NALF1: variants seen among roughly 807,000 people sequenced by gnomAD.
NALF1 encodes the protein NALCN channel auxiliary factor 1.
A neutral mutation model predicts 48.4 loss-of-function variants in NALF1; 3 were observed. That is an observed-to-expected ratio of 0.06 (90% CI 0.03 to 0.16). The LOEUF is 0.16. NALF1 is among the 10% of genes least tolerant of loss of function. The probability of loss-of-function intolerance (pLI) is 1.00; values close to 1 mark genes in which losing one functional copy is unlikely to be tolerated. For missense variants in NALF1, 526 were observed against 571.5 expected (o/e 0.92, Z 0.81); for synonymous variants, 262 against 245.7 (o/e 1.07, Z -0.62).
intron 2 of NALF1, among the ~76,000 whole-genome samples, chr13:107,182,040 T>C (rs974706723): frequency 1.3e-5 from 2 of 152,146 alleles, no homozygotes; most frequent in Admixed American, 1.3e-4. Flanking sequence ...TCACATTCTT[T>C]ATCTAAGAGT....
chr13:107,438,844 AAAAAAAAGAAT>A (rs1368478039), intron 1 of NALF1, among the ~76,000 whole-genome samples: 1 of 147,832 alleles, frequency 6.8e-6, no homozygotes, highest in South Asian at 2.1e-4. Flanking sequence ...AAAAAAAAAA[AAAAAAAAGAAT>A]AATATAAAGG....
chr13:107,703,655 T>C (rs1029993809), intron 1 of NALF1, among the ~76,000 whole-genome samples: 5 of 152,218 alleles, frequency 3.3e-5, no homozygotes, highest in Admixed American at 1.3e-4. Context: ...ACAGTGAAGT[T>C]ACCTCAAATC....
chr13:107,599,514 C>A (rs756579190), intron 1 of NALF1, among the ~76,000 whole-genome samples: 2 of 152,016 alleles, frequency 1.3e-5, no homozygotes, highest in Non-Finnish European at 2.9e-5. Context: ...AAATTTTGCA[C>A]CCACTCCAGC....
At chr13:107,652,470 T>C (rs1165210825) in intron 1 of NALF1, among the ~76,000 whole-genome samples, 1 of 152,208 alleles carries the variant, frequency 6.6e-6, no homozygotes, top group Non-Finnish European at 1.5e-5. Flanking sequence ...TCCCTTCTCC[T>C]ATGAAATTCA....
intron 1 of NALF1, among the ~76,000 whole-genome samples, chr13:107,580,855 G>C (rs931558286): frequency 6.6e-6 from 1 of 152,110 alleles, no homozygotes; most frequent in African/African-American, 2.4e-5. Flanking sequence ...TACAGACTTG[G>C]TGATGATTCA....
At chr13:107,356,562 T>G (rs928444130) in intron 1 of NALF1, among the ~76,000 whole-genome samples, 2 of 152,210 alleles carry the variant, frequency 1.3e-5, no homozygotes, top group Non-Finnish European at 2.9e-5. Context: ...ATTTGTTCCA[T>G]AGTCTGCTGT....
chr13:107,560,447 A>G (rs1189688775), intron 1 of NALF1, among the ~76,000 whole-genome samples: 1 of 152,154 alleles, frequency 6.6e-6, no homozygotes, highest in Non-Finnish European at 1.5e-5. Context: ...ATGTACTTAG[A>G]AATGTCTTTC....
intron 2 of NALF1, among the ~76,000 whole-genome samples, chr13:107,174,832 C>T (rs1156773346): frequency 1.3e-5 from 2 of 151,550 alleles, no homozygotes; most frequent in South Asian, 2.1e-4. Flanking sequence ...TCAGAGTGGT[C>T]CCCCGCCCTG....
intron 1 of NALF1, among the ~76,000 whole-genome samples, chr13:107,535,781 C>G (rs1189830179): frequency 6.6e-6 from 1 of 152,090 alleles, no homozygotes; most frequent in Non-Finnish European, 1.5e-5. Flanking sequence ...CAATCCTAAG[C>G]CAAAAGAACA....
intron 1 of NALF1, among the ~76,000 whole-genome samples, chr13:107,645,244 T>G (rs1375952924): frequency 6.6e-6 from 1 of 152,078 alleles, no homozygotes; most frequent in Non-Finnish European, 1.5e-5. Flanking sequence ...TTGCTCCACA[T>G]CCTCACCAAC....
rs115111176 is a variant in NALF1, at chr13:107,541,923, T to C, written c.915+323759A>G. Among the ~76,000 whole-genome samples the C allele has an allele frequency of 5.2e-3, 787 of 152,026 alleles. 5 individuals carry two copies. The highest frequency in any genetic ancestry group is 0.018 in the African/African-American group (748 of 41,466). The stretch of plus-strand genomic sequence containing the variant: ...GAAGTCCAAAAGATTCCTTGATAAC[T>C]ATGAATAGAGAAGTTTCAGAAAACA... On this transcript the variant is annotated intron_variant, in intron 1 of 2. Coordinates refer to ENST00000375915, the MANE Select transcript of NALF1 (RefSeq NM_001080396.3).
chr13:107,646,150 T>C (rs1278071426), intron 1 of NALF1, among the ~76,000 whole-genome samples: 1 of 152,144 alleles, frequency 6.6e-6, no homozygotes, highest in Non-Finnish European at 1.5e-5. Flanking sequence ...CTAACGTTTC[T>C]AGATGTTCTC....
rs576452733 is a variant in NALF1, at chr13:107,239,756, A to C, written c.916-29001T>G. Among the ~76,000 whole-genome samples the C allele has an allele frequency of 4.6e-5, 7 of 152,300 alleles. No individual in the cohort carries two copies. In the East Asian group the frequency reaches 1.4e-3, roughly 29 times the overall value. ...TAGTGGTCTAGAGCTCAGAAGAGAGACTGGGGATTAAGATGAAAATAGAAA... is the reference window on the plus strand; with the variant it reads ...TAGTGGTCTAGAGCTCAGAAGAGAGCCTGGGGATTAAGATGAAAATAGAAA... On this transcript the variant is annotated intron_variant, in intron 1 of 2. Coordinates refer to ENST00000375915, the MANE Select transcript of NALF1 (RefSeq NM_001080396.3).
chr13:107,731,922 A>G (rs1385945308), intron 1 of NALF1, among the ~76,000 whole-genome samples: 1 of 152,208 alleles, frequency 6.6e-6, no homozygotes, highest in Non-Finnish European at 1.5e-5. Flanking sequence ...TTTGTCCTAC[A>G]GAATTCTCCA....
chr13:107,260,939 C>T (rs773270708), intron 1 of NALF1, among the ~76,000 whole-genome samples: 2 of 152,154 alleles, frequency 1.3e-5, no homozygotes, highest in African/African-American at 2.4e-5. Flanking sequence ...TTCCCATGCA[C>T]GATCCTCTCT....
In NALF1 at chr13:107,169,054, A is replaced by G. The variant is rs1198079539; in HGVS notation, c.*1443T>C. 6.6e-6 allele frequency: 1 copy of G among 152,610 alleles called. No homozygotes were observed. The highest frequency in any genetic ancestry group is 1.5e-5 in the Non-Finnish European group (1 of 68,036). The allele number at this position is 152,610 out of a possible 1,614,324, so 9.5% of individuals were successfully genotyped here. ...CTTCCACTGATTCTACTGTAAACTC[A>G]TAAAAGCCTTTTATAGAAAGCAAAT... On this transcript the variant is annotated 3_prime_UTR_variant, in exon 3 of 3. Transcript: ENST00000375915.
chr13:107,317,717 T>C (rs1428405510), intron 1 of NALF1, among the ~76,000 whole-genome samples: 1 of 151,982 alleles, frequency 6.6e-6, no homozygotes, highest in Non-Finnish European at 1.5e-5. Context: ...CAAAATAACT[T>C]ATTAGAAATA....
chr13:107,437,307 G>A (rs7322497), intron 1 of NALF1, among the ~76,000 whole-genome samples: 100,999 of 151,904 alleles, frequency 0.66, 34,328 homozygotes, highest in Middle Eastern at 0.81. Context: ...AAAATAGTCC[G>A]ATCACTTTGA....
chr13:107,513,732 G>T (rs1006976555), intron 1 of NALF1, among the ~76,000 whole-genome samples: 2 of 152,160 alleles, frequency 1.3e-5, no homozygotes, highest in African/African-American at 2.4e-5. Flanking sequence ...CACATGAAGG[G>T]ATGCAAAACC....
Sources: allele counts gnomAD v4.1 joint callset (sites outside exome capture counted in the v4.1 genomes callset), GRCh38; gene constraint gnomAD v4.1.1; transcripts MANE v1.5; gene names NCBI Gene and HGNC (gene_info 2026-07-23, HGNC 2026-07-21).